The following SLC6A17 variants were observed in gnomAD, a reference collection of about 807,000 sequenced individuals.
SLC6A17 encodes the protein sodium-dependent neutral amino acid transporter SLC6A17.
Under a neutral mutation model 64.5 loss-of-function variants are expected in SLC6A17, and 21 were observed. The observed-to-expected ratio is 0.33, with a 90% CI of 0.23 to 0.47. The LOEUF (loss-of-function observed/expected upper bound fraction) is 0.47. SLC6A17 is among the 20% of genes least tolerant of loss of function. The pLI, the probability that SLC6A17 is intolerant of heterozygous loss-of-function variation, is 1.00. For missense variants in SLC6A17, 682 were observed against 963.2 expected, an observed-to-expected ratio of 0.71 and a Z score of 3.86; for synonymous variants, 372 against 399.5, an observed-to-expected ratio of 0.93 and a Z score of 0.82.
intron 6 of SLC6A17, among the ~76,000 whole-genome samples, chr1:110,191,600 G>A (rs1406175472): frequency 6.6e-6 from 1 of 152,204 alleles, no homozygotes; most frequent in Non-Finnish European, 1.5e-5. Context: ...CTGTCACACT[G>A]TAGTCCAAGT....
Position 110,198,062 on chromosome 1 carries a change from C to T in SLC6A17, c.1816-14C>T. On this transcript the variant is annotated splice_polypyrimidine_tract_variant and intron_variant, in intron 11 of 11. Coordinates refer to ENST00000331565, the MANE Select transcript of SLC6A17 (RefSeq NM_001010898.4). ...ACAGTGCCGGCAGCAGCCCTTAAGGCAGCCCACCCGCAGGCTGCCGAGCGC... is the reference window on the plus strand; with the variant it reads ...ACAGTGCCGGCAGCAGCCCTTAAGGTAGCCCACCCGCAGGCTGCCGAGCGC... The T allele has an allele frequency of 6.2e-7, 1 of 1,600,736 alleles. No individual in the cohort carries two copies. Among genetic ancestry groups the T allele is most frequent in the Non-Finnish European group, 8.5e-7 (1 of 1,174,082 alleles).
Position 110,160,129 on chromosome 1 carries a change from G to A in SLC6A17, c.-87-6714G>A, listed in dbSNP as rs528530675. Among the ~76,000 whole-genome samples, 122 of 152,302 alleles carry A rather than the reference G, an allele frequency of 8.0e-4. 1 individual carries two copies. The highest frequency in any genetic ancestry group is 2.8e-3 in the African/African-American group (117 of 41,566). On this transcript the variant is annotated intron_variant, in intron 1 of 11. Coordinates refer to ENST00000331565, the MANE Select transcript of SLC6A17 (RefSeq NM_001010898.4). ...TGTGGTAACCAGATGCAGCTGGTAG[G>A]TAAGCAGGCAAGCACTGCTCCTCAT...
At chr1:110,162,701 C>T (rs994373595) in intron 1 of SLC6A17, among the ~76,000 whole-genome samples, 3 of 152,214 alleles carry the variant, frequency 2.0e-5, no homozygotes, top group Admixed American at 2.0e-4. Flanking sequence ...CAGCACATGG[C>T]TTCAGGGAAC....
At chr1:110,178,224 T>C (rs946686351) in intron 6 of SLC6A17, among the ~76,000 whole-genome samples, 1 of 152,196 alleles carries the variant, frequency 6.6e-6, no homozygotes, top group Non-Finnish European at 1.5e-5. Flanking sequence ...GAGGAAATTA[T>C]ATGCTCTGGT....
intron 1 of SLC6A17, among the ~76,000 whole-genome samples, chr1:110,166,554 T>A (rs926346407): frequency 6.6e-6 from 1 of 152,240 alleles, no homozygotes; most frequent in Non-Finnish European, 1.5e-5. Flanking sequence ...GAGGGAAATG[T>A]CTTCACGGAT....
chr1:110,165,457 TTGAGGTG>T (rs1656023259), intron 1 of SLC6A17, among the ~76,000 whole-genome samples: 1 of 152,118 alleles, frequency 6.6e-6, no homozygotes, highest in African/African-American at 2.4e-5. Flanking sequence ...CTGTCTATGC[TTGAGGTG>T]TGAGGGGGCA....
chr1:110,201,454 G>C lies in SLC6A17; in HGVS notation c.*3010G>C, dbSNP rs1447695552. ...CTCCAGGGCAGGGATGTGCCTGAAA[G>C]AGTCAACAGTCCCCTGATCCCCTAC... is the stretch of plus-strand genomic sequence containing the variant. On this transcript the variant is annotated 3_prime_UTR_variant, in exon 12 of 12. Transcript: ENST00000331565. 6.6e-6 allele frequency: 1 copy of C among 152,264 alleles called. No homozygotes were observed. The highest frequency in any genetic ancestry group is 2.4e-5 in the African/African-American group (1 of 41,430). 9.4% of individuals were successfully genotyped at this position (152,264 alleles called of 1,614,324 possible). A position where few individuals can be genotyped will look rare whatever the true frequency, so the allele number is the denominator to read the frequency against.
intron 3 of SLC6A17, among the ~76,000 whole-genome samples, chr1:110,173,180 C>G (rs1446985266): frequency 6.6e-6 from 1 of 152,248 alleles, no homozygotes; most frequent in African/African-American, 2.4e-5. Flanking sequence ...CTCACTCTGT[C>G]TGTGCTCCCA....
rs1323675100 is a variant in SLC6A17 at position 110,198,327 on chromosome 1, C to T, written c.2067C>T (p.Pro689=). 2 of 1,614,186 alleles carry T rather than the reference C, an allele frequency of 1.2e-6. No homozygotes were observed. Among genetic ancestry groups the T allele is most frequent in the Middle Eastern group, 1.6e-4 (1 of 6,062 alleles). ...CCAGTGAGGCACCTTCCCCCATGCCCACTCACCGTTCCTATCTGGGGCCCG... is the reference window on the plus strand; with the variant it reads ...CCAGTGAGGCACCTTCCCCCATGCCTACTCACCGTTCCTATCTGGGGCCCG... ...KVPSEAPSPM[P]THRSYLGPGS... Residue 689 remains proline, a synonymous_variant, in exon 12 of 12, where the codon CCC becomes CCT. Transcript: ENST00000331565.
intron 2 of SLC6A17, among the ~76,000 whole-genome samples, chr1:110,169,790 A>G (rs1656168493): frequency 1.3e-5 from 2 of 152,224 alleles, no homozygotes; most frequent in Admixed American, 1.3e-4. Context: ...CCCAAGTTGT[A>G]TTTTCTAAGG....
In SLC6A17 at chr1:110,173,960, G is replaced by C. The variant is rs747254819; in HGVS notation, c.445-13G>C. The C allele has an allele frequency of 6.2e-7, 1 of 1,612,586 alleles. No individual in the cohort carries two copies. Among genetic ancestry groups the C allele is most frequent in the East Asian group, 2.2e-5 (1 of 44,726 alleles). On this transcript the variant is annotated splice_polypyrimidine_tract_variant and intron_variant, in intron 3 of 11. Transcript: ENST00000331565. ...CTGCAGCCTCAGTGACCCCGCAGTG[G>C]GCTTGTCCCCAGGTCTGTCTCTTTG... is the stretch of plus-strand genomic sequence containing the variant.
chr1:110,159,411 G>C (rs1655842339), intron 1 of SLC6A17, among the ~76,000 whole-genome samples: 1 of 152,124 alleles, frequency 6.6e-6, no homozygotes. Flanking sequence ...TCCCCCTCTG[G>C]ACCATCTGCC....
intron 6 of SLC6A17, among the ~76,000 whole-genome samples, chr1:110,182,463 G>A (rs148495552): frequency 1.5e-4 from 23 of 152,106 alleles, no homozygotes; most frequent in African/African-American, 5.3e-4. Flanking sequence ...TTGGGAGTGC[G>A]GGATAACAGA....
In SLC6A17 at chr1:110,192,122, A is replaced by G; in HGVS notation, c.1015A>G (p.Ile339Val). 1 of 1,614,198 alleles carries G rather than the reference A, an allele frequency of 6.2e-7. No individual in the cohort carries two copies. Among genetic ancestry groups the G allele is most frequent in the Non-Finnish European group, 8.5e-7 (1 of 1,180,038 alleles). The change falls in exon 7 of 12, where the codon ATC (isoleucine) becomes GTC (valine). Residue 339 changes from isoleucine (I) to valine (V), a missense_variant. By Grantham distance (29) the Ile-to-Val change is conservative (BLOSUM62 3). Transcript: ENST00000331565. The surrounding 1 kb of genome is among the most constrained non-coding windows in gnomAD (Gnocchi z 4.3). Reference sequence around the variant, plus strand: ...CTTCGATGCCGCCCTGGTGTCCTTCATCAACTTCTTCACGTCAGTGTTGGC... The same window carrying G: ...CTTCGATGCCGCCCTGGTGTCCTTCGTCAACTTCTTCACGTCAGTGTTGGC... ...CHFDAALVSF[I>V]NFFTSVLATL... is the part of the protein sequence containing the mutation.
chr1:110,183,186 TTG>T (rs1400487701), intron 6 of SLC6A17, among the ~76,000 whole-genome samples: 4 of 152,188 alleles, frequency 2.6e-5, no homozygotes, highest in African/African-American at 7.2e-5. Flanking sequence ...CATAGCAGCA[TTG>T]TGTATTATAG....
chr1:110,157,133 G>A (rs1016365454), intron 1 of SLC6A17, among the ~76,000 whole-genome samples: 2 of 152,070 alleles, frequency 1.3e-5, no homozygotes, highest in Middle Eastern at 3.2e-3. Flanking sequence ...CTGAGACCTG[G>A]TGTGCCCTTC....
intron 6 of SLC6A17, chr1:110,178,770 G>A (rs1656436995): frequency 6.6e-6 from 1 of 152,092 alleles, no homozygotes; most frequent in South Asian, 2.1e-4. Context: ...TTTTTATAGG[G>A]GCACTAATCC....
chr1:110,173,355 C>T (rs985020433), intron 3 of SLC6A17, among the ~76,000 whole-genome samples: 1 of 152,190 alleles, frequency 6.6e-6, no homozygotes, highest in East Asian at 1.9e-4. Context: ...GCAGCAAATC[C>T]CTGCCCATAG....
At chr1:110,154,677 G>A (rs187749800) in intron 1 of SLC6A17, among the ~76,000 whole-genome samples, 4 of 152,258 alleles carry the variant, frequency 2.6e-5, no homozygotes, top group East Asian at 1.9e-4. Flanking sequence ...CTAGGGGTTC[G>A]TGTGTAGAGC....
Sources: gnomAD v4.1 joint callset for allele counts (sites outside exome capture counted in the v4.1 genomes callset) on GRCh38, gnomAD v4.1.1 for gene constraint, Gnocchi (gnomAD v3.1) non-coding constraint, MANE v1.5 for transcripts, NCBI Gene and HGNC (gene_info 2026-07-23, HGNC 2026-07-21) for gene names.